Variants in PPFIBP1 observed in about 807,000 individuals in gnomAD.
PPFIBP1 encodes PPFIB scaffold protein 1.
A neutral mutation model predicts 137.8 loss-of-function variants in PPFIBP1; 112 were observed. The ratio of observed to expected loss-of-function variants is 0.81; its 90% CI spans 0.70 to 0.95. The LOEUF (loss-of-function observed/expected upper bound fraction) is 0.95. PPFIBP1 is among the 40% of genes least tolerant of loss of function. The probability of loss-of-function intolerance (pLI) is 0.00; values close to 1 mark genes in which losing one functional copy is unlikely to be tolerated. For synonymous variants in PPFIBP1, 378 were observed against 417.3 expected, an observed-to-expected ratio of 0.91 and a Z score of 1.15; for missense variants, 1,083 against 1,196.6, an observed-to-expected ratio of 0.91 and a Z score of 1.40.
chr12:27,692,482 C>A, intron 28 of PPFIBP1, 109 bp from the exon 29 acceptor site: 1 of 973,374 alleles, frequency 1.0e-6, no homozygotes, highest in Non-Finnish European at 1.6e-6. Flanking sequence ...TTGCTCTTAC[C>A]CCATTCAGTG....
At chr12:27,533,853 G>T (rs1944665283) in intron 1 of PPFIBP1, among the ~76,000 whole-genome samples, 1 of 152,218 alleles carries the variant, frequency 6.6e-6, no homozygotes, top group Non-Finnish European at 1.5e-5. Flanking sequence ...GATCTGCAGA[G>T]AAGTGGAGGA....
intron 27 of PPFIBP1, among the ~76,000 whole-genome samples, chr12:27,689,929 G>A (rs528157247): frequency 4.6e-4 from 70 of 152,272 alleles, no homozygotes; most frequent in African/African-American, 1.6e-3. Context: ...TCTGGCAGGT[G>A]ATCTGCAGAG....
intron 6 of PPFIBP1, among the ~76,000 whole-genome samples, chr12:27,649,258 T>C (rs1473454493): frequency 6.6e-6 from 1 of 152,242 alleles, no homozygotes; most frequent in African/African-American, 2.4e-5. Flanking sequence ...TTTCCCTGTA[T>C]GACATTAGGC....
chr12:27,540,672 C>G (rs1945554626), intron 1 of PPFIBP1, among the ~76,000 whole-genome samples: 1 of 152,174 alleles, frequency 6.6e-6, no homozygotes, highest in South Asian at 2.1e-4. Context: ...GTCAGCTGCC[C>G]CAAAGCTTCT....
intron 2 of PPFIBP1, among the ~76,000 whole-genome samples, chr12:27,603,697 A>G (rs1479149294): frequency 6.6e-6 from 1 of 152,150 alleles, no homozygotes; most frequent in Non-Finnish European, 1.5e-5. Context: ...CAATGTTTCA[A>G]TTGCATGAGA....
Position 27,694,309 on chromosome 12 carries a change from T to A in PPFIBP1, c.*1427T>A, listed in dbSNP as rs537695076. The A allele has an allele frequency of 6.6e-6, 1 of 152,358 alleles. No homozygotes were observed. The highest frequency in any genetic ancestry group is 1.9e-4 in the East Asian group (1 of 5,190). The allele number at this position is 152,358 out of a possible 1,614,324, so 9.4% of individuals were successfully genotyped here. A position where few individuals can be genotyped will look rare whatever the true frequency, so the allele number is the denominator to read the frequency against. On this transcript the variant is annotated 3_prime_UTR_variant, in exon 30 of 30. Transcript: ENST00000228425. ...AATTACAGGTGTGAGCCACTCTGCC[T>A]GGCCTACCACTAACTTGAATACATT...
intron 1 of PPFIBP1, among the ~76,000 whole-genome samples, chr12:27,557,406 T>C (rs1442496034): frequency 6.6e-6 from 1 of 151,840 alleles, no homozygotes; most frequent in Non-Finnish European, 1.5e-5. Flanking sequence ...TGGCTAATTT[T>C]GTGTATTTTT....
intron 1 of PPFIBP1, among the ~76,000 whole-genome samples, chr12:27,533,891 C>T (rs1944669805): frequency 1.3e-5 from 2 of 152,124 alleles, no homozygotes; most frequent in Non-Finnish European, 2.9e-5. Context: ...AGAAGCACAA[C>T]GTAAGTGAAC....
chr12:27,643,397 G>A (rs2058250972), intron 4 of PPFIBP1, among the ~76,000 whole-genome samples: 1 of 128,926 alleles, frequency 7.8e-6, no homozygotes, highest in South Asian at 2.5e-4. Context: ...CATGTATGCA[G>A]TCAAGTCTAA....
At chr12:27,540,136 C>T (rs918626860) in intron 1 of PPFIBP1, among the ~76,000 whole-genome samples, 3 of 150,960 alleles carry the variant, frequency 2.0e-5, no homozygotes, top group African/African-American at 7.3e-5. Flanking sequence ...TAGCTTACTG[C>T]AGCCTCAAAA....
At chr12:27,524,670 G>A (rs978591161) in intron 1 of PPFIBP1, among the ~76,000 whole-genome samples, 2 of 151,998 alleles carry the variant, frequency 1.3e-5, no homozygotes, top group African/African-American at 2.4e-5. Flanking sequence ...CAACCAGAGG[G>A]GCGTGTGTGT....
At chr12:27,548,269 C>T (rs1038363420) in intron 1 of PPFIBP1, 6 of 152,056 alleles carry the variant, frequency 3.9e-5, no homozygotes, top group Non-Finnish European at 5.9e-5. Flanking sequence ...AATGGGTCGC[C>T]GTAACAAAAG....
At chr12:27,569,396 T>G (rs1166216621) in intron 1 of PPFIBP1, among the ~76,000 whole-genome samples, 1 of 152,184 alleles carries the variant, frequency 6.6e-6, no homozygotes, top group Non-Finnish European at 1.5e-5. Context: ...TATACATAAA[T>G]AGTTGGATGG....
At chr12:27,631,418 T>C (rs1458353308) in intron 2 of PPFIBP1, among the ~76,000 whole-genome samples, 1 of 152,164 alleles carries the variant, frequency 6.6e-6, no homozygotes, top group Non-Finnish European at 1.5e-5. Context: ...TCCTACTCCA[T>C]TTTTCCCCTT....
chr12:27,685,955 A>C (rs926441459), intron 24 of PPFIBP1, among the ~76,000 whole-genome samples: 2 of 152,212 alleles, frequency 1.3e-5, no homozygotes, highest in African/African-American at 2.4e-5. Flanking sequence ...TCTTTTTAAA[A>C]TCCTTCGAAG....
intron 2 of PPFIBP1, among the ~76,000 whole-genome samples, chr12:27,585,598 G>A (rs1411261451): frequency 6.6e-6 from 1 of 152,204 alleles, no homozygotes; most frequent in Non-Finnish European, 1.5e-5. Context: ...AGAACATAGG[G>A]TCTTTTGTCT....
At chr12:27,689,749 C>T (rs981161268) in intron 27 of PPFIBP1, among the ~76,000 whole-genome samples, 16 of 152,134 alleles carry the variant, frequency 1.1e-4, no homozygotes, top group Non-Finnish European at 2.1e-4. Context: ...AGTTGGTGCG[C>T]ATGCGTGGGC....
chr12:27,549,708 A>G (rs905871672), intron 1 of PPFIBP1, among the ~76,000 whole-genome samples: 8 of 152,202 alleles, frequency 5.3e-5, no homozygotes, highest in Non-Finnish European at 1.0e-4. Context: ...ATTGCCGGTT[A>G]GGACCAGCTG....
At chr12:27,574,496 A>T (rs2050401914) in intron 1 of PPFIBP1, among the ~76,000 whole-genome samples, 1 of 152,214 alleles carries the variant, frequency 6.6e-6, no homozygotes, top group African/African-American at 2.4e-5. Flanking sequence ...CTAAAAAATA[A>T]AGAATGATAA....
Sources: gnomAD v4.1 joint callset for allele counts (sites outside exome capture counted in the v4.1 genomes callset) on GRCh38, gnomAD v4.1.1 for gene constraint, MANE v1.5 for transcripts, NCBI Gene and HGNC (gene_info 2026-07-23, HGNC 2026-07-21) for gene names.